The following GATAD2B variants were observed in gnomAD, a reference collection of about 807,000 sequenced individuals.
The protein encoded by GATAD2B is GATA zinc finger domain containing 2B.
A neutral mutation model predicts 64.3 loss-of-function variants in GATAD2B; 8 were observed. The observed-to-expected ratio is 0.12, with a 90% CI of 0.07 to 0.22. The LOEUF is 0.22. GATAD2B is among the 10% of genes least tolerant of loss of function. GATAD2B has a pLI of 1.00. For missense variants in GATAD2B, 453 were observed against 752.0 expected (o/e 0.60, Z 4.65); for synonymous variants, 281 against 271.3 (o/e 1.04, Z -0.35).
intron 1 of GATAD2B, among the ~76,000 whole-genome samples, chr1:153,870,633 T>C (rs7526877): frequency 0.96 from 146,701 of 152,258 alleles, 70,919 homozygotes; most frequent in East Asian, 1. Context: ...ATCAAAATGC[T>C]GTCAAATGCA....
chr1:153,900,897 G>C (rs1410828719), intron 1 of GATAD2B, among the ~76,000 whole-genome samples: 13 of 152,092 alleles, frequency 8.5e-5, no homozygotes, highest in Non-Finnish European at 1.5e-4. Context: ...ATAATCTCTT[G>C]ATTTTTTTTC....
At chr1:153,831,266 G>A (rs1050630466) in intron 1 of GATAD2B, among the ~76,000 whole-genome samples, 5 of 152,142 alleles carry the variant, frequency 3.3e-5, no homozygotes, top group East Asian at 1.9e-4. Flanking sequence ...GTTTTCACTC[G>A]TAAGTGGGAG....
intron 1 of GATAD2B, among the ~76,000 whole-genome samples, chr1:153,867,854 C>T (rs1042891339): frequency 6.6e-6 from 1 of 150,966 alleles, no homozygotes; most frequent in Non-Finnish European, 1.5e-5. Flanking sequence ...AGTGAGACTC[C>T]GTCTCAAAAA....
intron 1 of GATAD2B, among the ~76,000 whole-genome samples, chr1:153,896,085 A>G (rs1378975736): frequency 4.6e-5 from 7 of 151,778 alleles, no homozygotes; most frequent in Non-Finnish European, 8.8e-5. Flanking sequence ...ACTTGAGCCC[A>G]GTAGTTCTAG....
rs1208174492 is a variant in GATAD2B, at chr1:153,917,270, G to T, written c.-2+5463C>A. Among the ~76,000 whole-genome samples the T allele has an allele frequency of 5.3e-5, 8 of 150,194 alleles. No individual in the cohort carries two copies. In the Admixed American group the frequency reaches 5.3e-4, roughly 10 times the overall value. ...CTGCCACCATGTCTGGCTAATTTTTGTATTTTTAGTAGAGATGGGGTTTCA... is the reference window on the plus strand; with the variant it reads ...CTGCCACCATGTCTGGCTAATTTTTTTATTTTTAGTAGAGATGGGGTTTCA... On this transcript the variant is annotated intron_variant, in intron 1 of 10. Coordinates refer to ENST00000368655, the MANE Select transcript of GATAD2B (RefSeq NM_020699.4).
chr1:153,812,858 G>A (rs1674340967), intron 8 of GATAD2B, among the ~76,000 whole-genome samples: 1 of 151,972 alleles, frequency 6.6e-6, no homozygotes, highest in Non-Finnish European at 1.5e-5. Flanking sequence ...CTCTTCACTG[G>A]GCTACTTCAT....
chr1:153,833,580 C>T (rs1675150360), intron 1 of GATAD2B, among the ~76,000 whole-genome samples: 1 of 151,876 alleles, frequency 6.6e-6, no homozygotes, highest in South Asian at 2.1e-4. Context: ...TTTGGGAAGC[C>T]GAGGCAGGTG....
chr1:153,821,011 A>G (rs1230133519), intron 2 of GATAD2B, among the ~76,000 whole-genome samples: 1 of 89,336 alleles, frequency 1.1e-5, no homozygotes, highest in Non-Finnish European at 2.0e-5. Context: ...TTTTTTTGAG[A>G]CAGGGTCTCA....
Position 153,817,517 on chromosome 1 carries a change from G to A in GATAD2B, c.755C>T (p.Thr252Ile). Residue 252 changes from threonine (T) to isoleucine (I), a missense_variant, in exon 6 of 11, where the codon ACC (threonine) becomes ATC (isoleucine). By Grantham distance (89) the Thr-to-Ile change is moderately conservative. Around this residue, in one of 2 missense-constraint regions of GATAD2B, gnomAD observed 293 missense variants for 417.2 expected, o/e 0.70. Coordinates refer to ENST00000368655, the MANE Select transcript of GATAD2B (RefSeq NM_020699.4). ...CAACATGTGTGGAAGGGTGGTATTG[G>A]TAGCTGAACGGATGACACTGTGACC... ...LQGHSVIRSA[T>I]NTTLPHMLMS... The A allele has an allele frequency of 6.2e-7, 1 of 1,604,694 alleles. No individual in the cohort carries two copies. The highest frequency in any genetic ancestry group is 8.5e-7 in the Non-Finnish European group (1 of 1,176,468).
chr1:153,864,981 A>T (rs879279848), intron 1 of GATAD2B, among the ~76,000 whole-genome samples: 12 of 152,048 alleles, frequency 7.9e-5, no homozygotes, highest in Non-Finnish European at 1.5e-4. Flanking sequence ...GTGACAGGAG[A>T]ATTGCTTGAA....
chr1:153,812,203 T>C, intron 8 of GATAD2B, 71 bp from the exon 9 acceptor site: 7 of 873,056 alleles, frequency 8.0e-6, no homozygotes, highest in Non-Finnish European at 1.3e-5. Flanking sequence ...TTTTTTTTTT[T>C]TTTTTAAACA....
chr1:153,869,883 T>C (rs922127341), intron 1 of GATAD2B, among the ~76,000 whole-genome samples: 1 of 152,076 alleles, frequency 6.6e-6, no homozygotes, highest in Non-Finnish European at 1.5e-5. Context: ...TCCCAGCACT[T>C]TGGGAGGCTG....
chr1:153,815,249 G>GACA (rs1383062952), intron 7 of GATAD2B, among the ~76,000 whole-genome samples: 1 of 117,840 alleles, frequency 8.5e-6, no homozygotes. Flanking sequence ...CTCAAGCCTG[G>GACA]ACAACAGGGT....
intron 1 of GATAD2B, chr1:153,921,707 C>G (rs1219068479): frequency 1.3e-5 from 2 of 152,194 alleles, no homozygotes; most frequent in Non-Finnish European, 2.9e-5. Context: ...GAAAAGGTTG[C>G]TAGCTAGCTC....
intron 1 of GATAD2B, among the ~76,000 whole-genome samples, chr1:153,832,393 A>C (rs1193804425): frequency 6.6e-6 from 1 of 152,246 alleles, no homozygotes; most frequent in Non-Finnish European, 1.5e-5. Context: ...TTTAAGCCAA[A>C]GCGTAATTCA....
rs1376980256 is a variant in GATAD2B at position 153,806,611 on chromosome 1, AG to A, written c.*3565del. On this transcript the variant is annotated 3_prime_UTR_variant, in exon 11 of 11. Coordinates refer to ENST00000368655, the MANE Select transcript of GATAD2B (RefSeq NM_020699.4). ...GCTAGGGCTTTTTTTTCTCTTTTTC[AG>A]GTTTTTTTTTTTTTCTACACAATGT... 8.4e-6 allele frequency: 1 copy of A among 119,094 alleles called. No individual in the cohort carries two copies. Among genetic ancestry groups the A allele is most frequent in the Non-Finnish European group, 1.9e-5 (1 of 52,416 alleles). 7.4% of individuals were successfully genotyped at this position (119,094 alleles called of 1,614,324 possible). A position where few individuals can be genotyped will look rare whatever the true frequency, so the allele number is the denominator to read the frequency against.
chr1:153,860,080 A>G (rs1350244933), intron 1 of GATAD2B, among the ~76,000 whole-genome samples: 1 of 151,512 alleles, frequency 6.6e-6, no homozygotes, highest in Non-Finnish European at 1.5e-5. Context: ...ACGCCCAGCT[A>G]ATTTTTGTAT....
chr1:153,849,653 GAC>G (rs1675818451), intron 1 of GATAD2B, among the ~76,000 whole-genome samples: 1 of 151,730 alleles, frequency 6.6e-6, no homozygotes, highest in East Asian at 1.9e-4. Flanking sequence ...CTTTTTTTGA[GAC>G]AGTTTCACTC....
In GATAD2B at chr1:153,828,191, C is replaced by T; in HGVS notation, c.157G>A (p.Asp53Asn). 1 of 1,614,216 alleles carries T rather than the reference C, an allele frequency of 6.2e-7. No individual in the cohort carries two copies. Among genetic ancestry groups the T allele is most frequent in the Non-Finnish European group, 8.5e-7 (1 of 1,180,054 alleles). The change falls in exon 2 of 11, where the codon GAT becomes AAT. Residue 53 changes from aspartate to asparagine, a missense_variant. Transcript: ENST00000368655. ...TGTGGCACCTCAAGATTTGCCAAAT[C>T]CTTCCTTTTGAGCAATGCCAACATT... Reference protein sequence around the residue: ...LKMLALLKRKDLANLEVPHEL... With the variant: ...LKMLALLKRKNLANLEVPHEL...
Sources: allele counts gnomAD v4.1 joint callset (sites outside exome capture counted in the v4.1 genomes callset), GRCh38; gene constraint gnomAD v4.1.1; regional missense constraint gnomAD v4.1.1; transcripts MANE v1.5; gene names NCBI Gene and HGNC (gene_info 2026-07-23, HGNC 2026-07-21).